CACNA1C: variants seen among roughly 807,000 people sequenced by gnomAD.
CACNA1C encodes the protein voltage-dependent L-type calcium channel subunit alpha-1C.
Under a neutral mutation model 229.0 loss-of-function variants are expected in CACNA1C, and 30 were observed. That is an observed-to-expected ratio of 0.13 (90% CI 0.10 to 0.18). The LOEUF (loss-of-function observed/expected upper bound fraction) is 0.18. Among genes scored for constraint, CACNA1C ranks in the 10% least tolerant of loss-of-function variants. CACNA1C has a pLI of 1.00. For synonymous variants in CACNA1C, 1,114 were observed against 1,132.5 expected, an observed-to-expected ratio of 0.98 and a Z score of 0.33; for missense variants, 1,658 against 2,845.0, an observed-to-expected ratio of 0.58 and a Z score of 9.49.
intron 1 of CACNA1C, among the ~76,000 whole-genome samples, chr12:2,089,608 A>C (rs2069369256): frequency 6.6e-6 from 1 of 152,202 alleles, no homozygotes; most frequent in Admixed American, 6.5e-5. Flanking sequence ...GAGACTTGAC[A>C]TTTTTTAATT....
chr12:2,015,276 T>C (rs2045152328), intron 1 of CACNA1C, among the ~76,000 whole-genome samples: 1 of 152,204 alleles, frequency 6.6e-6, no homozygotes, highest in African/African-American at 2.4e-5. Flanking sequence ...AAGCTACAGC[T>C]TTTACTTGCT....
Position 2,146,354 on chromosome 12 carries a change from G to A in CACNA1C, c.477+25924G>A, listed in dbSNP as rs562106889. 5.5e-4 allele frequency among the ~76,000 whole-genome samples: 83 copies of A among 151,502 alleles called. 3 individuals are homozygous for A. Among genetic ancestry groups the A allele is most frequent in the African/African-American group, 2.0e-3 (83 of 41,500 alleles). ...CACTTGTGAAGTGGCACTTGAGTGA[G>A]GCCGTCATCAGCATAGGAATCAGAA... On this transcript the variant is annotated intron_variant, in intron 3 of 46. Coordinates refer to ENST00000399655, the MANE Select transcript of CACNA1C (RefSeq NM_000719.7).
At chr12:1,994,149 A>G (rs2040219369) in intron 1 of CACNA1C, among the ~76,000 whole-genome samples, 1 of 152,238 alleles carries the variant, frequency 6.6e-6, no homozygotes, top group African/African-American at 2.4e-5. Flanking sequence ...TCTAACAACT[A>G]CATGTGCATT....
intron 3 of CACNA1C, among the ~76,000 whole-genome samples, chr12:2,422,225 G>A (rs1328561273): frequency 1.3e-5 from 2 of 152,172 alleles, no homozygotes; most frequent in Non-Finnish European, 2.9e-5. Flanking sequence ...AATATAGGAG[G>A]AGAAAGAGAG....
chr12:2,345,425 G>A (rs762853454), intron 3 of CACNA1C, among the ~76,000 whole-genome samples: 4 of 152,126 alleles, frequency 2.6e-5, no homozygotes, highest in Non-Finnish European at 5.9e-5. Context: ...TAACCAACTG[G>A]TTCCAAAGTG....
At position 2,493,109 on chromosome 12, in the gene CACNA1C, CT is replaced by C; in HGVS notation, c.917-77del. ...CCATCCCATCAACCTCATCCTGTCACTTTTCTCTCTGACTTCTTTCTCTGCC... is the reference window on the plus strand; with the variant it reads ...CCATCCCATCAACCTCATCCTGTCACTTTCTCTCTGACTTCTTTCTCTGCC... On this transcript the variant is annotated intron_variant, in intron 6 of 46. Coordinates refer to ENST00000399655, the MANE Select transcript of CACNA1C (RefSeq NM_000719.7). The surrounding 1 kb of genome is among the most constrained non-coding windows in gnomAD (Gnocchi z 4.6). 1 of 1,267,316 alleles carries C rather than the reference CT, an allele frequency of 7.9e-7. No individual in the cohort carries two copies. Among genetic ancestry groups the C allele is most frequent in the South Asian group, 1.2e-5 (1 of 80,190 alleles). 78.5% of individuals were successfully genotyped at this position (1,267,316 alleles called of 1,614,324 possible).
chr12:2,541,747 G>A (rs1360068030), intron 9 of CACNA1C, among the ~76,000 whole-genome samples: 3 of 152,178 alleles, frequency 2.0e-5, no homozygotes, highest in Non-Finnish European at 4.4e-5. Context: ...CTCATGAGAG[G>A]CCAGCCACTC....
chr12:2,106,528 T>C (rs2078729796), intron 1 of CACNA1C, among the ~76,000 whole-genome samples: 1 of 110,254 alleles, frequency 9.1e-6, no homozygotes, highest in Admixed American at 8.6e-5. Context: ...CTGAAGCCAC[T>C]GGGCGCCCAC....
intron 3 of CACNA1C, among the ~76,000 whole-genome samples, chr12:2,165,916 TAAAGG>T (rs2096199107): frequency 6.6e-6 from 1 of 151,996 alleles, no homozygotes; most frequent in African/African-American, 2.4e-5. Flanking sequence ...TTCCAGAAGA[TAAAGG>T]AAAACCAGAA....
At chr12:2,149,822 G>A (rs1005409406) in intron 3 of CACNA1C, among the ~76,000 whole-genome samples, 1 of 152,204 alleles carries the variant, frequency 6.6e-6, no homozygotes, top group African/African-American at 2.4e-5. Flanking sequence ...GGTGGATCCG[G>A]AGGCCTGACC....
intron 3 of CACNA1C, among the ~76,000 whole-genome samples, chr12:2,240,852 C>G (rs1054946402): frequency 1.3e-5 from 2 of 152,074 alleles, no homozygotes; most frequent in East Asian, 1.9e-4. Context: ...AGTGCTCACC[C>G]AACTCCCTCA....
At chr12:2,526,535 C>A (rs1408316791) in intron 9 of CACNA1C, among the ~76,000 whole-genome samples, 1 of 152,246 alleles carries the variant, frequency 6.6e-6, no homozygotes, top group Non-Finnish European at 1.5e-5. Flanking sequence ...TGGCTTTGAG[C>A]CGAAACTTGC....
At chr12:2,629,734 G>A (rs1394986569) in intron 29 of CACNA1C, among the ~76,000 whole-genome samples, 1 of 152,236 alleles carries the variant, frequency 6.6e-6, no homozygotes, top group Non-Finnish European at 1.5e-5. Flanking sequence ...CCAAATCAGG[G>A]CATGGACAAC....
At chr12:2,500,395 C>T (rs1201534724) in intron 7 of CACNA1C, among the ~76,000 whole-genome samples, 2 of 152,100 alleles carry the variant, frequency 1.3e-5, no homozygotes, top group African/African-American at 2.4e-5. Flanking sequence ...ATCTCCAAGG[C>T]GCGTGGGTTT....
At chr12:2,309,029 G>C (rs2095267728) in intron 3 of CACNA1C, among the ~76,000 whole-genome samples, 1 of 152,176 alleles carries the variant, frequency 6.6e-6, no homozygotes, top group African/African-American at 2.4e-5. Context: ...GTTTCTAAGA[G>C]ATATTTGCAC....
At position 2,651,628 on chromosome 12, in the gene CACNA1C, G is replaced by C; in HGVS notation, c.3946-12G>C. The C allele has an allele frequency of 6.2e-7, 1 of 1,613,890 alleles. No homozygotes were observed. On this transcript the variant is annotated splice_polypyrimidine_tract_variant and intron_variant, in intron 31 of 46. Coordinates refer to ENST00000399655, the MANE Select transcript of CACNA1C (RefSeq NM_000719.7). The surrounding 1 kb of genome is among the most constrained non-coding windows in gnomAD (Gnocchi z 5.4). ...TGTGCTAACTGCACCTCCTGTTGCC[G>C]ACGGGTTCCAGAACGCAGAGGAAAA...
intron 3 of CACNA1C, among the ~76,000 whole-genome samples, chr12:2,167,338 C>T (rs1347146539): frequency 6.6e-6 from 1 of 152,156 alleles, no homozygotes; most frequent in East Asian, 1.9e-4. Context: ...TCTGCTAATT[C>T]TCACATTTAA....
chr12:2,545,436 C>A (rs2099879414), intron 9 of CACNA1C, among the ~76,000 whole-genome samples: 1 of 151,946 alleles, frequency 6.6e-6, no homozygotes, highest in Non-Finnish European at 1.5e-5. Context: ...TCATTATGCT[C>A]CTCATCTTCT....
chr12:1,986,985 C>G (rs2037982475), intron 1 of CACNA1C, among the ~76,000 whole-genome samples: 1 of 151,924 alleles, frequency 6.6e-6, no homozygotes, highest in Non-Finnish European at 1.5e-5. Context: ...ATAATGAAAG[C>G]CTGAACTGGA....
Sources: allele counts gnomAD v4.1 joint callset (sites outside exome capture counted in the v4.1 genomes callset), GRCh38; gene constraint gnomAD v4.1.1; non-coding constraint Gnocchi (gnomAD v3.1); transcripts MANE v1.5; gene names NCBI Gene and HGNC (gene_info 2026-07-23, HGNC 2026-07-21).